Variants in HPSE2 observed in about 807,000 individuals in gnomAD.
HPSE2 encodes inactive heparanase-2.
Under a neutral mutation model 60.5 loss-of-function variants are expected in HPSE2, and 38 were observed. The ratio of observed to expected loss-of-function variants is 0.63; its 90% CI spans 0.48 to 0.82. HPSE2 has a LOEUF of 0.82. Among genes scored for constraint, HPSE2 ranks in the 40% least tolerant of loss-of-function variants. HPSE2 has a pLI of 0.00. For missense variants in HPSE2, 713 were observed against 740.4 expected (o/e 0.96, Z 0.43); for synonymous variants, 295 against 293.2 (o/e 1.01, Z -0.06).
the HPSE2 span, among the ~76,000 whole-genome samples, chr10:99,300,217 TGAAA>T: frequency 3.3e-5 from 5 of 151,928 alleles, no homozygotes; most frequent in African/African-American, 9.7e-5. Context: ...AGAACGCCAC[TGAAA>T]GAAAGACTGC....
At chr10:98,952,760 A>G (rs1031667568) in intron 3 of HPSE2, among the ~76,000 whole-genome samples, 2 of 152,090 alleles carry the variant, frequency 1.3e-5, no homozygotes, top group Non-Finnish European at 2.9e-5. Context: ...GCAGATGGCT[A>G]CCTTCTTGCT....
intron 3 of HPSE2, among the ~76,000 whole-genome samples, chr10:98,958,563 C>G (rs928978713): frequency 1.3e-5 from 2 of 151,786 alleles, no homozygotes; most frequent in African/African-American, 4.8e-5. Context: ...ATAAAAATAA[C>G]CTTAAGAGAC....
At chr10:98,865,546 T>C (rs1952566661) in intron 3 of HPSE2, among the ~76,000 whole-genome samples, 1 of 151,954 alleles carries the variant, frequency 6.6e-6, no homozygotes, top group Admixed American at 6.6e-5. Flanking sequence ...CTTGAGGAGA[T>C]AGAGGTAAGA....
chr10:98,615,619 G>T (rs1186031780), intron 8 of HPSE2, among the ~76,000 whole-genome samples: 1 of 152,132 alleles, frequency 6.6e-6, no homozygotes. Context: ...ATATTTTGCA[G>T]TGGAGGACCT....
At chr10:98,954,458 T>A (rs1369400348) in intron 3 of HPSE2, among the ~76,000 whole-genome samples, 2 of 152,214 alleles carry the variant, frequency 1.3e-5, no homozygotes, top group African/African-American at 4.8e-5. Flanking sequence ...TCTTCCTGAT[T>A]AAATTAACAC....
rs1234476457 is a variant in HPSE2 at position 98,879,847 on chromosome 10, A to ATGTG, written c.611-135795_611-135792dup. ...TACTGGGAAACAACAGTTGGTGTGC[A>ATGTG]TGTGCGTGTGTGTGTGTGTGTGTGT... On this transcript the variant is annotated intron_variant, in intron 3 of 11. Coordinates refer to ENST00000370552, the MANE Select transcript of HPSE2 (RefSeq NM_021828.5). Among the ~76,000 whole-genome samples, 126 of 88,986 alleles carry ATGTG rather than the reference A, an allele frequency of 1.4e-3. 1 individual carries two copies. The highest frequency in any genetic ancestry group is 4.5e-3 in the African/African-American group (105 of 23,448). The allele number at this position is 88,986 out of a possible 152,430, so 58.4% of individuals were successfully genotyped here. A position where few individuals can be genotyped will look rare whatever the true frequency, so the allele number is the denominator to read the frequency against.
intron 3 of HPSE2, among the ~76,000 whole-genome samples, chr10:99,010,466 T>C (rs561320770): frequency 6.6e-6 from 1 of 152,296 alleles, no homozygotes; most frequent in African/African-American, 2.4e-5. Context: ...GAGATCAGAA[T>C]TACCATAAAT....
intron 3 of HPSE2, among the ~76,000 whole-genome samples, chr10:98,799,335 T>C (rs972307821): frequency 6.6e-6 from 1 of 152,150 alleles, no homozygotes; most frequent in African/African-American, 2.4e-5. Flanking sequence ...CAATACATAA[T>C]AGCTGGAGAC....
At chr10:99,263,642 T>TC in the HPSE2 span, among the ~76,000 whole-genome samples, 1 of 152,160 alleles carries the variant, frequency 6.6e-6, no homozygotes, top group East Asian at 1.9e-4. Context: ...GGCCAGTTTT[T>TC]CTCCTTCTCA....
At chr10:99,221,915 G>A (rs930971782) in intron 2 of HPSE2, among the ~76,000 whole-genome samples, 4 of 152,254 alleles carry the variant, frequency 2.6e-5, no homozygotes, top group Middle Eastern at 3.4e-3. Context: ...GCAGTGACAG[G>A]AGGAAAGTGG....
intron 3 of HPSE2, among the ~76,000 whole-genome samples, chr10:99,084,777 A>T (rs574855949): frequency 1.3e-5 from 2 of 152,374 alleles, no homozygotes; most frequent in East Asian, 3.9e-4. Flanking sequence ...ATGCAATTGT[A>T]TTTAAAGAAG....
At chr10:98,716,252 A>G (rs1057151463) in intron 5 of HPSE2, among the ~76,000 whole-genome samples, 1 of 151,872 alleles carries the variant, frequency 6.6e-6, no homozygotes, top group Non-Finnish European at 1.5e-5. Context: ...ATCTGCAGTT[A>G]CTTACTCCAC....
At chr10:99,037,755 T>A (rs1957643492) in intron 3 of HPSE2, among the ~76,000 whole-genome samples, 1 of 152,012 alleles carries the variant, frequency 6.6e-6, no homozygotes, top group Non-Finnish European at 1.5e-5. Flanking sequence ...ATACCTTGCC[T>A]ATTAGGTTAA....
chr10:98,623,842 TG>T (rs971073308), intron 7 of HPSE2, among the ~76,000 whole-genome samples: 2 of 148,396 alleles, frequency 1.3e-5, no homozygotes, highest in African/African-American at 5.2e-5. Context: ...GTATGGGAAA[TG>T]AAAAAAAAAG....
At chr10:98,945,924 TC>T (rs1474901870) in intron 3 of HPSE2, among the ~76,000 whole-genome samples, 1 of 152,150 alleles carries the variant, frequency 6.6e-6, no homozygotes, top group Non-Finnish European at 1.5e-5. Context: ...ATATAGTTGA[TC>T]CTTGAACCAC....
chr10:99,230,973 T>C (rs1849625199), intron 2 of HPSE2, among the ~76,000 whole-genome samples: 3 of 152,358 alleles, frequency 2.0e-5, no homozygotes, highest in African/African-American at 7.2e-5. Context: ...TCAGCATTTA[T>C]GCTGAGTGAC....
At chr10:99,242,386 C>A in the HPSE2 span, among the ~76,000 whole-genome samples, 1 of 152,326 alleles carries the variant, frequency 6.6e-6, no homozygotes, top group East Asian at 1.9e-4. Context: ...AAACTCTGGT[C>A]TTTGTCCTTA....
At chr10:99,150,341 T>C (rs1846214002) in intron 2 of HPSE2, among the ~76,000 whole-genome samples, 1 of 152,160 alleles carries the variant, frequency 6.6e-6, no homozygotes, top group African/African-American at 2.4e-5. Context: ...AAAAAAATTT[T>C]TTAAGACAGT....
At position 98,537,319 on chromosome 10, in the gene HPSE2, G is replaced by A. The variant is rs114785842; in HGVS notation, c.1321-47123C>T. On this transcript the variant is annotated intron_variant, in intron 9 of 11. Transcript: ENST00000370552. Reference sequence around the variant, plus strand: ...AAGCTGAAGGCCAGAAGAGAGAAATGGTCAAGACATATGTATTTGTGAGTG... The same window carrying A: ...AAGCTGAAGGCCAGAAGAGAGAAATAGTCAAGACATATGTATTTGTGAGTG... Among the ~76,000 whole-genome samples the A allele has an allele frequency of 4.5e-3, 685 of 152,216 alleles. 5 individuals are homozygous for A. Among genetic ancestry groups the A allele is most frequent in the African/African-American group, 0.015 (624 of 41,518 alleles).
Sources: gnomAD v4.1 joint callset for allele counts (sites outside exome capture counted in the v4.1 genomes callset) on GRCh38, gnomAD v4.1.1 for gene constraint, MANE v1.5 for transcripts, NCBI Gene and HGNC (gene_info 2026-07-23, HGNC 2026-07-21) for gene names.